The following SAMD3 variants were observed in gnomAD, a reference collection of about 807,000 sequenced individuals.
The protein encoded by SAMD3 is sterile alpha motif domain containing 3.
In SAMD3, 63 loss-of-function variants were observed where a neutral mutation model predicts 58.5. The observed-to-expected ratio is 1.08, with a 90% CI of 0.88 to 1.33. The LOEUF (loss-of-function observed/expected upper bound fraction) is 1.33. SAMD3 is among the 40% of genes most tolerant of loss of function. The probability of loss-of-function intolerance (pLI) is 0.00; values close to 1 mark genes in which losing one functional copy is unlikely to be tolerated. For synonymous variants in SAMD3, 220 were observed against 210.3 expected, an observed-to-expected ratio of 1.05 and a Z score of -0.40; for missense variants, 604 against 608.4, an observed-to-expected ratio of 0.99 and a Z score of 0.08.
At chr6:130,163,053 C>T (rs917141711) in intron 8 of SAMD3, among the ~76,000 whole-genome samples, 1 of 152,184 alleles carries the variant, frequency 6.6e-6, no homozygotes, top group African/African-American at 2.4e-5. Flanking sequence ...GCTGGGACTA[C>T]AGGCATGTGC....
chr6:130,282,849 C>G (rs1187461643), intron 2 of SAMD3, among the ~76,000 whole-genome samples: 1 of 152,150 alleles, frequency 6.6e-6, no homozygotes, highest in Non-Finnish European at 1.5e-5. Context: ...CAGGGTGATT[C>G]TCTTGGGGCA....
intron 1 of SAMD3, among the ~76,000 whole-genome samples, chr6:130,220,344 G>A (rs774601004): frequency 1.3e-5 from 2 of 152,188 alleles, no homozygotes; most frequent in African/African-American, 4.8e-5. Context: ...TATCTGGGAG[G>A]TTTAGTTAAA....
At chr6:130,330,787 C>T (rs1315354129) in intron 1 of SAMD3, among the ~76,000 whole-genome samples, 1 of 152,106 alleles carries the variant, frequency 6.6e-6, no homozygotes, top group African/African-American at 2.4e-5. Flanking sequence ...CTACCTGCTC[C>T]CTTGACCCAG....
chr6:130,330,110 C>T, intron 1 of SAMD3, among the ~76,000 whole-genome samples: 1 of 152,256 alleles, frequency 6.6e-6, no homozygotes, highest in Non-Finnish European at 1.5e-5. Context: ...GGTTCTGTGA[C>T]TCTGATAAGT....
At chr6:130,289,547 T>G (rs1583056088) in intron 2 of SAMD3, among the ~76,000 whole-genome samples, 1 of 152,300 alleles carries the variant, frequency 6.6e-6, no homozygotes, top group East Asian at 1.9e-4. Flanking sequence ...TCACCCAGGT[T>G]AGAGTGCAGT....
intron 1 of SAMD3, among the ~76,000 whole-genome samples, chr6:130,360,776 C>T: frequency 6.6e-6 from 1 of 152,138 alleles, no homozygotes; most frequent in East Asian, 1.9e-4. Context: ...TTCATCCCTA[C>T]AGTTTCGACC....
chr6:130,156,160 G>A (rs9375707), intron 8 of SAMD3, among the ~76,000 whole-genome samples: 65,788 of 151,580 alleles, frequency 0.43, 15,032 homozygotes, highest in Middle Eastern at 0.56. Context: ...CCAACATAGC[G>A]AAACCCCACC....
intron 1 of SAMD3, among the ~76,000 whole-genome samples, chr6:130,345,224 T>C (rs1777408025): frequency 6.6e-6 from 1 of 152,160 alleles, no homozygotes; most frequent in Non-Finnish European, 1.5e-5. Flanking sequence ...TAGATACTTG[T>C]GTGGAGGTGG....
chr6:130,229,913 A>AT (rs1796495498), intron 2 of SAMD3, among the ~76,000 whole-genome samples: 1 of 152,220 alleles, frequency 6.6e-6, no homozygotes, highest in Non-Finnish European at 1.5e-5. Flanking sequence ...TGTCAAACAG[A>AT]TAACTACAGA....
intron 2 of SAMD3, among the ~76,000 whole-genome samples, chr6:130,311,791 C>T (rs1776177187): frequency 6.6e-6 from 1 of 152,270 alleles, no homozygotes; most frequent in South Asian, 2.1e-4. Flanking sequence ...AAGTCCTGTC[C>T]TAGAGGACCT....
chr6:130,304,960 A>C (rs1775869337), intron 2 of SAMD3, among the ~76,000 whole-genome samples: 1 of 111,012 alleles, frequency 9.0e-6, no homozygotes, highest in African/African-American at 3.7e-5. Flanking sequence ...TTTGAGACAG[A>C]GTCTCACTCT....
chr6:130,209,623 G>A lies in SAMD3; in HGVS notation c.270-15C>T. 1 of 1,534,196 alleles carries A rather than the reference G, an allele frequency of 6.5e-7. No individual in the cohort carries two copies. The highest frequency in any genetic ancestry group is 9.0e-7 in the Non-Finnish European group (1 of 1,107,542). ...CATCCCTGTAACTAAGAAAGAAGAG[G>A]TGGGTCAGGCACTATTCAAGAGGTG... On this transcript the variant is annotated splice_polypyrimidine_tract_variant and intron_variant, in intron 4 of 11. Coordinates refer to ENST00000439090, the MANE Select transcript of SAMD3 (RefSeq NM_001017373.4).
At chr6:130,314,424 A>G (rs1257674261) in intron 1 of SAMD3, among the ~76,000 whole-genome samples, 1 of 152,216 alleles carries the variant, frequency 6.6e-6, no homozygotes, top group Non-Finnish European at 1.5e-5. Flanking sequence ...ATCACTTAAA[A>G]ACATAGAGAT....
Position 130,247,295 on chromosome 6 carries a change from C to A in SAMD3, c.-187-24482G>T, listed in dbSNP as rs540308751. On this transcript the variant is annotated intron_variant, in intron 2 of 13. Transcript: ENST00000368134. ...GACCAGCCTGACCAACATGGTGAAA[C>A]CCCATCTCTATTAAAAATACAAAAC... Among the ~76,000 whole-genome samples the A allele has an allele frequency of 1.4e-4, 21 of 152,078 alleles. 1 individual carries two copies. The highest frequency in any genetic ancestry group is 1.1e-3 in the Admixed American group (17 of 15,278).
At chr6:130,301,040 A>G (rs1775729818) in intron 2 of SAMD3, among the ~76,000 whole-genome samples, 1 of 151,624 alleles carries the variant, frequency 6.6e-6, no homozygotes, top group Admixed American at 6.6e-5. Flanking sequence ...TCACTGTTCA[A>G]CTCCCACCTA....
At chr6:130,144,951 C>A in intron 11 of SAMD3, 147 bp from the exon 12 acceptor site, 2 of 856,532 alleles carry the variant, frequency 2.3e-6, no homozygotes, top group Non-Finnish European at 3.5e-6. Context: ...AATAGACCAC[C>A]AACTTTGCTT....
chr6:130,337,869 G>A (rs1777150545), intron 1 of SAMD3, among the ~76,000 whole-genome samples: 1 of 152,160 alleles, frequency 6.6e-6, no homozygotes, highest in Non-Finnish European at 1.5e-5. Flanking sequence ...TAAAAGTTTG[G>A]AAAATTTACA....
At chr6:130,311,188 C>G (rs994743123) in intron 2 of SAMD3, among the ~76,000 whole-genome samples, 2 of 152,234 alleles carry the variant, frequency 1.3e-5, no homozygotes, top group African/African-American at 2.4e-5. Flanking sequence ...TATAATTGAG[C>G]CTTTTCTATT....
chr6:130,150,917 G>A (rs1033375443), intron 9 of SAMD3, among the ~76,000 whole-genome samples: 1 of 151,964 alleles, frequency 6.6e-6, no homozygotes, highest in African/African-American at 2.4e-5. Flanking sequence ...TCACCATGTT[G>A]GCCAGGCTGG....
Sources: gnomAD v4.1 joint callset for allele counts (sites outside exome capture counted in the v4.1 genomes callset) on GRCh38, gnomAD v4.1.1 for gene constraint, MANE v1.5 for transcripts, NCBI Gene and HGNC (gene_info 2026-07-23, HGNC 2026-07-21) for gene names.